ZNF33A: variants seen among roughly 807,000 people sequenced by gnomAD.
ZNF33A encodes the protein brain my041 protein.
In ZNF33A, 9 loss-of-function variants were observed where a neutral mutation model predicts 15.9. The ratio of observed to expected loss-of-function variants is 0.57; its 90% CI spans 0.34 to 0.99. ZNF33A has a LOEUF of 0.99. ZNF33A is among the 50% of genes least tolerant of loss of function. ZNF33A has a pLI of 0.02. For missense variants in ZNF33A, 843 were observed against 941.6 expected (o/e 0.90, Z 1.37); for synonymous variants, 294 against 324.2 (o/e 0.91, Z 1.00).
downstream of ZNF33A, among the ~76,000 whole-genome samples, chr10:38,066,575 T>C (rs2066711463): frequency 6.6e-6 from 1 of 151,952 alleles, no homozygotes; most frequent in African/African-American, 2.4e-5. Flanking sequence ...TATCCATTAT[T>C]CCACTCAAAG....
At chr10:38,050,972 T>A (rs2135742382) in intron 4 of ZNF33A, among the ~76,000 whole-genome samples, 1 of 152,358 alleles carries the variant, frequency 6.6e-6, no homozygotes, top group Non-Finnish European at 1.5e-5. Context: ...ATCCACAGGC[T>A]TAGAAATAGG....
At position 38,057,140 on chromosome 10, in the gene ZNF33A, G is replaced by C. The variant is rs546076448; in HGVS notation, c.*580G>C. ...TGTGTGTGTGTACGTGTATGTGTGT[G>C]TGTGTGGTTATATCAAACTTTTACG... On this transcript the variant is annotated 3_prime_UTR_variant, in exon 5 of 5. Coordinates refer to ENST00000432900, the MANE Select transcript of ZNF33A (RefSeq NM_006954.2). 4 of 805,352 alleles carry C rather than the reference G, an allele frequency of 5.0e-6. No individual in the cohort carries two copies. The South Asian group carries it at 2.2e-4, about 45-fold the overall frequency. The allele number at this position is 805,352 out of a possible 1,614,324, so 49.9% of individuals were successfully genotyped here. A position where few individuals can be genotyped will look rare whatever the true frequency, so the allele number is the denominator to read the frequency against.
At chr10:38,022,937 T>C (rs615718) in intron 4 of ZNF33A, among the ~76,000 whole-genome samples, 133,488 of 152,138 alleles carry the variant, frequency 0.88, 58,697 homozygotes, top group South Asian at 0.94. Context: ...AAAATAGAAG[T>C]GGGAATATTT....
At chr10:38,034,610 C>A (rs1245910458) in intron 4 of ZNF33A, among the ~76,000 whole-genome samples, 1 of 152,168 alleles carries the variant, frequency 6.6e-6, no homozygotes, top group Non-Finnish European at 1.5e-5. Flanking sequence ...AAAGTTACAT[C>A]TTTTTCCTAT....
intron 4 of ZNF33A, among the ~76,000 whole-genome samples, chr10:38,036,799 T>A (rs1378685270): frequency 6.6e-6 from 1 of 152,178 alleles, no homozygotes; most frequent in Non-Finnish European, 1.5e-5. Context: ...TAAAACTTTC[T>A]TCGTACAGGC....
chr10:38,047,463 A>G (rs2065997326), intron 4 of ZNF33A, among the ~76,000 whole-genome samples: 3 of 151,608 alleles, frequency 2.0e-5, no homozygotes, highest in Admixed American at 6.6e-5. Context: ...CCCCATCTCT[A>G]CTAAAAGTAC....
chr10:38,057,882 C>T lies in ZNF33A; in HGVS notation c.*1322C>T, dbSNP rs1220531992. On this transcript the variant is annotated 3_prime_UTR_variant, in exon 5 of 5. Transcript: ENST00000432900. Reference sequence around the variant, plus strand: ...GCTGTTGGACTGTCATTTCAAGGCTCATTGTCCCCAGACAGGGATCTGGGC... The same window carrying T: ...GCTGTTGGACTGTCATTTCAAGGCTTATTGTCCCCAGACAGGGATCTGGGC... The T allele has an allele frequency of 1.0e-6, 1 of 985,330 alleles. No homozygotes were observed. Among genetic ancestry groups the T allele is most frequent in the Non-Finnish European group, 1.2e-6 (1 of 829,956 alleles). 61.0% of individuals were successfully genotyped at this position (985,330 alleles called of 1,614,324 possible). A position where few individuals can be genotyped will look rare whatever the true frequency, so the allele number is the denominator to read the frequency against.
At chr10:38,014,191 G>A (rs111984302) in intron 2 of ZNF33A, among the ~76,000 whole-genome samples, 8,569 of 151,680 alleles carry the variant, frequency 0.056, 369 homozygotes, top group Non-Finnish European at 0.077. Flanking sequence ...ACAGGCACGC[G>A]CCATCACACC....
At chr10:38,029,997 A>G (rs942703012) in intron 4 of ZNF33A, among the ~76,000 whole-genome samples, 5 of 152,208 alleles carry the variant, frequency 3.3e-5, no homozygotes, top group East Asian at 1.9e-4. Flanking sequence ...AAGAAGCTCA[A>G]CAAACTCATA....
chr10:38,054,285 A>T, intron 4 of ZNF33A, 90 bp from the exon 5 acceptor site: 1 of 1,344,416 alleles, frequency 7.4e-7, no homozygotes, highest in South Asian at 1.8e-5. Context: ...AAAACCAGTC[A>T]GCTGCAACAT....
chr10:38,032,744 C>T (rs1263883968), intron 4 of ZNF33A, among the ~76,000 whole-genome samples: 1 of 151,146 alleles, frequency 6.6e-6, no homozygotes, highest in Non-Finnish European at 1.5e-5. Context: ...AACCACCGCA[C>T]CTTGCCGACA....
At chr10:38,038,678 C>CTCTACCTAAATAA (rs2065558074) in intron 4 of ZNF33A, among the ~76,000 whole-genome samples, 1 of 152,118 alleles carries the variant, frequency 6.6e-6, no homozygotes, top group Non-Finnish European at 1.5e-5. Flanking sequence ...AGTAAAATCA[C>CTCTACCTAAATAA]TGTACCTTTC....
intron 4 of ZNF33A, among the ~76,000 whole-genome samples, chr10:38,042,252 T>C (rs1418671282): frequency 6.6e-6 from 1 of 151,884 alleles, no homozygotes; most frequent in South Asian, 2.1e-4. Flanking sequence ...TGGCACCATC[T>C]GGGCTCACTG....
At chr10:38,062,593 C>G (rs1227738038), downstream of ZNF33A, among the ~76,000 whole-genome samples, 1 of 152,084 alleles carries the variant, frequency 6.6e-6, no homozygotes, top group Non-Finnish European at 1.5e-5. Flanking sequence ...ATTTGTAATA[C>G]CCCAGTTAAT....
At chr10:38,010,636 G>GTGGGCTCTGCGCA, upstream of ZNF33A, 1 of 1,417,498 alleles carries the variant, frequency 7.1e-7, no homozygotes, top group African/African-American at 1.4e-5. Flanking sequence ...AGCTGTGCGC[G>GTGGGCTCTGCGCA]TGGGCTCTGC....
intron 4 of ZNF33A, among the ~76,000 whole-genome samples, chr10:38,023,872 C>A (rs1466684087): frequency 6.6e-6 from 1 of 152,070 alleles, no homozygotes; most frequent in East Asian, 1.9e-4. Context: ...TAGAAAAAAA[C>A]CTCAGGCCAG....
intron 4 of ZNF33A, among the ~76,000 whole-genome samples, chr10:38,023,668 T>A (rs2064853464): frequency 6.6e-6 from 1 of 152,210 alleles, no homozygotes; most frequent in Non-Finnish European, 1.5e-5. Flanking sequence ...GCTGGTAAGA[T>A]GAATGCTTTC....
intron 4 of ZNF33A, among the ~76,000 whole-genome samples, chr10:38,052,851 A>G (rs1340648763): frequency 6.6e-6 from 1 of 151,952 alleles, no homozygotes. Context: ...TCCCAGGTTC[A>G]TGATGGTTCC....
rs191464700 is a variant in ZNF33A at position 38,035,194 on chromosome 10, G to A, written c.250+17808G>A. On this transcript the variant is annotated intron_variant, in intron 4 of 4. Coordinates refer to ENST00000432900, the MANE Select transcript of ZNF33A (RefSeq NM_006954.2). ...GGGCAGTGGTGTGATCTCAGCTCAC[G>A]GCAACCTCCGCCTCCTGGGTTCAAG... Among the ~76,000 whole-genome samples the A allele has an allele frequency of 8.7e-3, 1,128 of 130,336 alleles. 16 individuals are homozygous for A. Among genetic ancestry groups the A allele is most frequent in the African/African-American group, 0.031 (1,065 of 34,298 alleles). 85.5% of individuals were successfully genotyped at this position (130,336 alleles called of 152,430 possible). A position where few individuals can be genotyped will look rare whatever the true frequency, so the allele number is the denominator to read the frequency against.
Sources: gnomAD v4.1 joint callset for allele counts (sites outside exome capture counted in the v4.1 genomes callset) on GRCh38, gnomAD v4.1.1 for gene constraint, MANE v1.5 for transcripts, NCBI Gene and HGNC (gene_info 2026-07-23, HGNC 2026-07-21) for gene names.